RNF150: variants seen among roughly 807,000 people sequenced by gnomAD.
RNF150 encodes the protein ring finger protein 150.
A neutral mutation model predicts 39.3 loss-of-function variants in RNF150; 24 were observed. The observed-to-expected ratio is 0.61, with a 90% confidence interval of 0.44 to 0.86. The LOEUF (loss-of-function observed/expected upper bound fraction) is 0.86, where lower values mean the gene tolerates loss of function less well. Among genes scored for constraint, RNF150 ranks in the 40% least tolerant of loss-of-function variants. RNF150 has a pLI of 0.00. For missense variants in RNF150, 502 were observed against 587.8 expected, an observed-to-expected ratio of 0.85 and a Z score of 1.51; for synonymous variants, 255 against 227.3, an observed-to-expected ratio of 1.12 and a Z score of -1.10.
At chr4:140,915,395 T>C (rs1328949190) in intron 5 of RNF150, among the ~76,000 whole-genome samples, 1 of 152,192 alleles carries the variant, frequency 6.6e-6, no homozygotes, top group Admixed American at 6.5e-5. Flanking sequence ...ATCTTGCTGA[T>C]ATAATTAACA....
chr4:140,977,987 G>A (rs1378211290), intron 1 of RNF150, among the ~76,000 whole-genome samples: 2 of 152,102 alleles, frequency 1.3e-5, no homozygotes, highest in African/African-American at 4.8e-5. Context: ...TGTTGAAGAT[G>A]GGGAGTGTGC....
At chr4:141,143,879 C>A (rs578042564) in intron 1 of RNF150, among the ~76,000 whole-genome samples, 1 of 152,164 alleles carries the variant, frequency 6.6e-6, no homozygotes, top group Non-Finnish European at 1.5e-5. Context: ...CAAAGAGGTA[C>A]TTTTCCTGAC....
chr4:141,019,709 T>A (rs1168903867), intron 1 of RNF150, among the ~76,000 whole-genome samples: 1 of 152,210 alleles, frequency 6.6e-6, no homozygotes, highest in Non-Finnish European at 1.5e-5. Flanking sequence ...CTCTTTTATG[T>A]GCCTTTAATG....
chr4:140,980,562 AGTGGGAGGAGCTGG>A (rs1203188498), intron 1 of RNF150, among the ~76,000 whole-genome samples: 1 of 152,026 alleles, frequency 6.6e-6, no homozygotes, highest in Non-Finnish European at 1.5e-5. Flanking sequence ...CCCCATGTGT[AGTGGGAGGAGCTGG>A]GTGGGAGGTA....
At chr4:141,197,923 AG>A (rs1362301786) in intron 1 of RNF150, among the ~76,000 whole-genome samples, 1 of 152,100 alleles carries the variant, frequency 6.6e-6, no homozygotes, top group Admixed American at 6.6e-5. Flanking sequence ...CAATAAGCAG[AG>A]TGCTCAACAC....
chr4:141,019,591 C>G (rs1735408402), intron 1 of RNF150, among the ~76,000 whole-genome samples: 1 of 152,144 alleles, frequency 6.6e-6, no homozygotes, highest in South Asian at 2.1e-4. Context: ...CCCTCCACCA[C>G]CAAATTCTCA....
intron 1 of RNF150, among the ~76,000 whole-genome samples, chr4:141,097,736 T>C (rs13125445): frequency 0.19 from 29,534 of 152,160 alleles, 3,550 homozygotes; most frequent in Non-Finnish European, 0.28. Flanking sequence ...ATATTCCTTT[T>C]TGTAAACTGC....
chr4:140,933,852 G>A (rs898217330), intron 4 of RNF150, among the ~76,000 whole-genome samples: 2 of 152,136 alleles, frequency 1.3e-5, no homozygotes, highest in Non-Finnish European at 2.9e-5. Flanking sequence ...GCTATGTGGT[G>A]TTGATTAAGT....
chr4:141,050,133 A>G (rs1397712855), intron 1 of RNF150, among the ~76,000 whole-genome samples: 1 of 152,166 alleles, frequency 6.6e-6, no homozygotes, highest in East Asian at 1.9e-4. Flanking sequence ...GTATATGTAC[A>G]TATATTACAA....
At chr4:141,023,753 G>C (rs1431647306) in intron 1 of RNF150, among the ~76,000 whole-genome samples, 3 of 152,198 alleles carry the variant, frequency 2.0e-5, no homozygotes, top group African/African-American at 7.2e-5. Context: ...TACCACGTTG[G>C]ACAGCATGTC....
At chr4:140,904,648 T>C (rs1458574329) in intron 6 of RNF150, among the ~76,000 whole-genome samples, 1 of 152,220 alleles carries the variant, frequency 6.6e-6, no homozygotes, top group Non-Finnish European at 1.5e-5. Context: ...ACATTGCTGT[T>C]TTGCAAATGT....
chr4:141,093,104 T>C (rs1053301307), intron 1 of RNF150, among the ~76,000 whole-genome samples: 3 of 151,944 alleles, frequency 2.0e-5, no homozygotes, highest in African/African-American at 4.8e-5. Context: ...CGGCGGCTCA[T>C]GCCTGTAATC....
At chr4:140,968,329 C>A (rs906862071) in intron 1 of RNF150, among the ~76,000 whole-genome samples, 1 of 151,914 alleles carries the variant, frequency 6.6e-6, no homozygotes, top group Non-Finnish European at 1.5e-5. Context: ...CTCTCTCCCC[C>A]ACACAAACAC....
intron 1 of RNF150, among the ~76,000 whole-genome samples, chr4:140,972,451 A>C (rs1256972449): frequency 6.6e-6 from 1 of 152,332 alleles, no homozygotes; most frequent in Admixed American, 6.5e-5. Context: ...ATATTAGTAC[A>C]TTTTAGTACA....
chr4:140,909,271 A>G (rs548322418), intron 6 of RNF150, among the ~76,000 whole-genome samples: 9 of 152,296 alleles, frequency 5.9e-5, no homozygotes, highest in African/African-American at 2.2e-4. Context: ...TTCTAGATCT[A>G]TGCACTCCAA....
intron 6 of RNF150, among the ~76,000 whole-genome samples, chr4:140,891,720 C>T (rs1411450190): frequency 6.6e-6 from 1 of 152,036 alleles, no homozygotes; most frequent in Non-Finnish European, 1.5e-5. Context: ...TATTTTAAAC[C>T]TGGGCCACCG....
intron 5 of RNF150, among the ~76,000 whole-genome samples, chr4:140,916,803 T>C (rs1465821281): frequency 6.6e-6 from 1 of 152,192 alleles, no homozygotes; most frequent in Non-Finnish European, 1.5e-5. Context: ...AAAGGTCAGG[T>C]TACCCACAAA....
chr4:140,955,107 T>C (rs1456436525), intron 2 of RNF150, among the ~76,000 whole-genome samples: 1 of 152,186 alleles, frequency 6.6e-6, no homozygotes, highest in Admixed American at 6.5e-5. Flanking sequence ...GACTGAAACG[T>C]TTTCTTCGTG....
In RNF150 at chr4:140,868,185, C is replaced by T; in HGVS notation, c.*76G>A. On this transcript the variant is annotated 3_prime_UTR_variant, in exon 7 of 7. Coordinates refer to ENST00000515673, the MANE Select transcript of RNF150 (RefSeq NM_020724.2). ...AGGTGATCTGGAGGTGTGTGTGTGC[C>T]TGGTCCAAGTCTTGGAGCACTCTTC... The T allele has an allele frequency of 1.2e-6, 1 of 851,650 alleles. No homozygotes were observed. The highest frequency in any genetic ancestry group is 2.0e-6 in the Non-Finnish European group (1 of 494,430). 52.8% of individuals were successfully genotyped at this position (851,650 alleles called of 1,614,324 possible).
Sources: allele counts gnomAD v4.1 joint callset (sites outside exome capture counted in the v4.1 genomes callset), GRCh38; gene constraint gnomAD v4.1.1; transcripts MANE v1.5; gene names NCBI Gene and HGNC (gene_info 2026-07-23, HGNC 2026-07-21).